Variants in TCP11L2 observed in about 807,000 individuals in gnomAD.
TCP11L2 encodes the protein t-complex 11 like 2.
Under a neutral mutation model 50.7 loss-of-function variants are expected in TCP11L2, and 39 were observed. That is an observed-to-expected ratio of 0.77 (90% CI 0.60 to 1.01). The LOEUF (loss-of-function observed/expected upper bound fraction) is 1.01, where lower values mean the gene tolerates loss of function less well. Among genes scored for constraint, TCP11L2 ranks in the 50% least tolerant of loss-of-function variants. The pLI, the probability that TCP11L2 is intolerant of heterozygous loss-of-function variation, is 0.00. For synonymous variants in TCP11L2, 192 were observed against 219.3 expected (o/e 0.88, Z 1.10); for missense variants, 612 against 614.7 (o/e 1.00, Z 0.05).
At chr12:106,332,593 C>G (rs2035784992) in intron 6 of TCP11L2, among the ~76,000 whole-genome samples, 1 of 152,190 alleles carries the variant, frequency 6.6e-6, no homozygotes, top group African/African-American at 2.4e-5. Flanking sequence ...GACTGGGTAG[C>G]TTAATATTAG....
chr12:106,298,502 AT>A (rs796634549), upstream of TCP11L2, among the ~76,000 whole-genome samples: 11 of 152,054 alleles, frequency 7.2e-5, no homozygotes, highest in South Asian at 4.2e-4. Context: ...TTTGAAAAAC[AT>A]TTTTTTTAAT....
intron 6 of TCP11L2, among the ~76,000 whole-genome samples, chr12:106,331,509 C>A (rs541683956): frequency 3.9e-5 from 6 of 152,148 alleles, no homozygotes; most frequent in Non-Finnish European, 7.3e-5. Flanking sequence ...CAATAATCCC[C>A]GTCTTTAAAG....
intron 4 of TCP11L2, 121 bp downstream of exon 4, chr12:106,318,585 T>C: frequency 8.0e-7 from 1 of 1,252,048 alleles, no homozygotes. Flanking sequence ...TACTGGAGGC[T>C]GGGAAGTCCA....
At chr12:106,339,464 A>C (rs780928006) in intron 8 of TCP11L2, among the ~76,000 whole-genome samples, 14 of 152,160 alleles carry the variant, frequency 9.2e-5, no homozygotes, top group Non-Finnish European at 1.9e-4. Flanking sequence ...GCTGTGCATA[A>C]GCTCTTTAGT....
intron 8 of TCP11L2, among the ~76,000 whole-genome samples, chr12:106,340,522 C>T (rs1412595972): frequency 6.6e-6 from 1 of 152,144 alleles, no homozygotes; most frequent in Non-Finnish European, 1.5e-5. Flanking sequence ...GTTTTCTGTC[C>T]CTTTCTGATA....
chr12:106,323,652 T>C lies in TCP11L2; in HGVS notation c.772+6T>C, dbSNP rs891813780. 4 of 1,534,128 alleles carry C rather than the reference T, an allele frequency of 2.6e-6. No individual in the cohort carries two copies. Among genetic ancestry groups the C allele is most frequent in the African/African-American group, 2.8e-5 (2 of 72,364 alleles). On this transcript the variant is annotated splice_donor_region_variant and intron_variant, in intron 6 of 9. Coordinates refer to ENST00000299045, the MANE Select transcript of TCP11L2 (RefSeq NM_152772.3). ...AATTTTGGAAGAAACTCCAAGTGAG[T>C]ATAATATAATGTGTATTTATATTGA... is the stretch of plus-strand genomic sequence containing the variant.
At chr12:106,328,267 T>C (rs1592962420) in intron 6 of TCP11L2, among the ~76,000 whole-genome samples, 1 of 152,236 alleles carries the variant, frequency 6.6e-6, no homozygotes, top group Admixed American at 6.5e-5. Context: ...CAGTGGAGGC[T>C]GGGCGCCATG....
intron 1 of TCP11L2, 103 bp from the exon 2 acceptor site, chr12:106,310,938 C>T (rs2034828483): frequency 4.6e-6 from 5 of 1,084,118 alleles, no homozygotes; most frequent in Non-Finnish European, 6.5e-6. Context: ...GCCTTTCCAA[C>T]ACAGTGACAC....
In TCP11L2 at chr12:106,346,570, CT is replaced by C; in HGVS notation, c.*43del. ...TGGACGAGAGATTGGAAATCCAGTA[CT>C]TTGGTATCCAGTCCACTTCCATTGA... On this transcript the variant is annotated 3_prime_UTR_variant, in exon 10 of 10. Transcript: ENST00000299045. 1 of 1,582,838 alleles carries C rather than the reference CT, an allele frequency of 6.3e-7. No homozygotes were observed. The highest frequency in any genetic ancestry group is 8.6e-7 in the Non-Finnish European group (1 of 1,167,202).
chr12:106,337,051 C>G (rs957337340), intron 8 of TCP11L2, among the ~76,000 whole-genome samples: 1 of 128,544 alleles, frequency 7.8e-6, no homozygotes, highest in African/African-American at 3.0e-5. Context: ...TTTACATCAT[C>G]CAATAGGAAT....
intron 5 of TCP11L2, 99 bp from the exon 6 acceptor site, chr12:106,323,410 TG>T (rs1212798457): frequency 5.5e-6 from 6 of 1,081,484 alleles, no homozygotes; most frequent in African/African-American, 4.9e-5. Flanking sequence ...AAAACCATTT[TG>T]GGGATGTTTA....
intron 4 of TCP11L2, among the ~76,000 whole-genome samples, chr12:106,320,114 A>G (rs937262771): frequency 1.3e-5 from 2 of 152,204 alleles, no homozygotes; most frequent in Admixed American, 1.3e-4. Flanking sequence ...AAAAAGATAG[A>G]TTCCAGCTGG....
Position 106,312,257 on chromosome 12 carries a change from A to AT in TCP11L2, c.157+1046dup, listed in dbSNP as rs55891003. 1.7e-3 allele frequency: 509 copies of AT among 291,524 alleles called. 2 individuals are homozygous for AT. The highest frequency in any genetic ancestry group is 9.4e-3 in the African/African-American group (350 of 37,378). The allele number at this position is 291,524 out of a possible 1,614,324, so 18.1% of individuals were successfully genotyped here. On this transcript the variant is annotated intron_variant, in intron 2 of 9. Coordinates refer to ENST00000299045, the MANE Select transcript of TCP11L2 (RefSeq NM_152772.3). ...ATTAATCACTGGACATTTAGTTTCC[A>AT]TTTTTTTTTTTTTTTTTTTTTGCTG...
intron 8 of TCP11L2, among the ~76,000 whole-genome samples, chr12:106,339,637 A>AT (rs1393573819): frequency 6.6e-6 from 1 of 152,074 alleles, no homozygotes; most frequent in Non-Finnish European, 1.5e-5. Flanking sequence ...TCTTGAGTTG[A>AT]TTTTTGTATC....
In TCP11L2 at chr12:106,335,683, G is replaced by T. The variant is rs1299634585; in HGVS notation, c.817G>T (p.Glu273Ter). The change falls in exon 7 of 10, where the codon GAA becomes TAA. Residue 273 changes from glutamate (E) to a stop codon, truncating the protein, a stop_gained. Coordinates refer to ENST00000299045, the MANE Select transcript of TCP11L2 (RefSeq NM_152772.3). LOFTEE classifies it high-confidence loss of function. ...AGAATGGATAAAAGAATCTGTAAAT[G>T]AAGAATTATTTTCTCTTTCTGAGAG... is the stretch of plus-strand genomic sequence containing the variant. ...TTEWIKESVN[E>*]ELFSLSESAL... 1.2e-6 allele frequency: 2 copies of T among 1,614,178 alleles called. No homozygotes were observed. Among genetic ancestry groups the T allele is most frequent in the East Asian group, 4.5e-5 (2 of 44,882 alleles).
chr12:106,328,617 A>G (rs1175947983), intron 6 of TCP11L2, among the ~76,000 whole-genome samples: 1 of 152,222 alleles, frequency 6.6e-6, no homozygotes, highest in African/African-American at 2.4e-5. Context: ...CCAAGTCCAG[A>G]TTAAACCAAG....
In TCP11L2 at chr12:106,335,677, G is replaced by A; in HGVS notation, c.811G>A (p.Val271Ile). Residue 271 changes from valine (V) to isoleucine (I), a missense_variant, in exon 7 of 10, where the codon GTA becomes ATA. Coordinates refer to ENST00000299045, the MANE Select transcript of TCP11L2 (RefSeq NM_152772.3). ...DQTTEWIKES[V>I]NEELFSLSES... ...GACTACAGAATGGATAAAAGAATCTGTAAATGAAGAATTATTTTCTCTTTC... is the reference window on the plus strand; with the variant it reads ...GACTACAGAATGGATAAAAGAATCTATAAATGAAGAATTATTTTCTCTTTC... The A allele has an allele frequency of 6.2e-7, 1 of 1,614,176 alleles. No homozygotes were observed. Among genetic ancestry groups the A allele is most frequent in the Non-Finnish European group, 8.5e-7 (1 of 1,180,038 alleles).
intron 1 of TCP11L2, among the ~76,000 whole-genome samples, chr12:106,305,624 G>T (rs1002285042): frequency 7.9e-5 from 12 of 152,326 alleles, no homozygotes; most frequent in African/African-American, 2.9e-4. Context: ...ATTAGTTCAT[G>T]CAGCTGTACT....
chr12:106,339,486 C>T (rs1320694927), intron 8 of TCP11L2, among the ~76,000 whole-genome samples: 2 of 152,054 alleles, frequency 1.3e-5, no homozygotes, highest in Non-Finnish European at 2.9e-5. Context: ...TAATTAGGTC[C>T]CACTTGTCTA....
Sources: allele counts gnomAD v4.1 joint callset (sites outside exome capture counted in the v4.1 genomes callset), GRCh38; gene constraint gnomAD v4.1.1; transcripts MANE v1.5; gene names NCBI Gene and HGNC (gene_info 2026-07-23, HGNC 2026-07-21).